The following TPRN variants were observed in gnomAD, a reference collection of about 807,000 sequenced individuals.
The protein encoded by TPRN is chromosome 9 open reading frame 75.
TPRN carries 32 observed loss-of-function variants against 42.6 expected under a neutral mutation model. The ratio of observed to expected loss-of-function variants is 0.75; its 90% confidence interval spans 0.57 to 1.01. The LOEUF is 1.01. Ranked by LOEUF, TPRN falls within the 50% of genes least tolerant of loss-of-function variation. The pLI, the probability that TPRN is intolerant of heterozygous loss-of-function variation, is 0.00. For synonymous variants in TPRN, 541 were observed against 445.6 expected, an observed-to-expected ratio of 1.21 and a Z score of -2.70; for missense variants, 1,095 against 957.5, an observed-to-expected ratio of 1.14 and a Z score of -1.90.
intron 1 of TPRN, 58 bp downstream of exon 1, chr9:137,198,929 A>T: frequency 6.2e-7 from 1 of 1,609,342 alleles, no homozygotes; most frequent in Admixed American, 1.7e-5. Flanking sequence ...CTGCCCCCAC[A>T]GTTCTGTGAG....
rs1377128868 is a variant in TPRN, at chr9:137,200,736, T to C, written c.-25A>G. 18 of 1,100,584 alleles carry C rather than the reference T, an allele frequency of 1.6e-5. No homozygotes were observed. The highest frequency in any genetic ancestry group is 1.9e-5 in the Non-Finnish European group (17 of 903,268). 68.2% of individuals were successfully genotyped at this position (1,100,584 alleles called of 1,614,324 possible). ...TGCTGCGAACGCGGCAGCGGACGGC[T>C]GGACTGAGGGCCGGAGTGGCAGCCG... On this transcript the variant is annotated 5_prime_UTR_variant, in exon 1 of 4. Coordinates refer to ENST00000409012, the MANE Select transcript of TPRN (RefSeq NM_001128228.3). This position sits in a 1 kb window ranked among gnomAD's most constrained non-coding sequence, Gnocchi z 4.3.
chr9:137,191,928 G>T lies in TPRN; in HGVS notation c.*184C>A. 1 of 735,528 alleles carries T rather than the reference G, an allele frequency of 1.4e-6. No individual in the cohort carries two copies. Among genetic ancestry groups the T allele is most frequent in the Non-Finnish European group, 2.3e-6 (1 of 432,192 alleles). The allele number at this position is 735,528 out of a possible 1,614,324, so 45.6% of individuals were successfully genotyped here. A position where few individuals can be genotyped will look rare whatever the true frequency, so the allele number is the denominator to read the frequency against. On this transcript the variant is annotated 3_prime_UTR_variant, in exon 4 of 4. Coordinates refer to ENST00000409012, the MANE Select transcript of TPRN (RefSeq NM_001128228.3). ...CCTTGGACCCTCCCAAATCAGGGCC[G>T]GGGAGTGAGACCCAGACCTGGCCCC...
At position 137,197,995 on chromosome 9, in the gene TPRN, G is replaced by A. The variant is rs1182634999; in HGVS notation, c.1725+992C>T. Among the ~76,000 whole-genome samples, 3 of 152,336 alleles carry A rather than the reference G, an allele frequency of 2.0e-5. No individual in the cohort carries two copies. The East Asian group carries it at 5.8e-4, about 29-fold the overall frequency. ...CCGGGCAGGAAGCAAACAGAGGGAGGCAGCAGCCTATCTGCTGAGGGAGCC... is the reference window on the plus strand; with the variant it reads ...CCGGGCAGGAAGCAAACAGAGGGAGACAGCAGCCTATCTGCTGAGGGAGCC... On this transcript the variant is annotated intron_variant, in intron 1 of 3. Coordinates refer to ENST00000409012, the MANE Select transcript of TPRN (RefSeq NM_001128228.3).
rs759671820 is a variant in TPRN at position 137,199,369 on chromosome 9, T to A, written c.1343A>T (p.Tyr448Phe). The change falls in exon 1 of 4, where the codon TAT becomes TTT. Residue 448 changes from tyrosine (Y) to phenylalanine (F), a missense_variant. Transcript: ENST00000409012. The part of the protein sequence containing the change: ...VPGLAKNSRE[Y>F]VRPGLPVTFI... ...GGTGACAGGCAGCCCCGGCCTCACA[T>A]ATTCCCGGCTATTCTTGGCCAAGCC... 6.2e-7 allele frequency: 1 copy of A among 1,612,662 alleles called. No individual in the cohort carries two copies. The highest frequency in any genetic ancestry group is 1.3e-5 in the African/African-American group (1 of 74,936).
rs927880162 is a variant in TPRN, at chr9:137,192,818, C to T, written c.1726-127G>A. ...GCGCCAGACACACCATCAACCGTTC[C>T]GGGGGCTCCAGGAGGGGGCACAGAG... On this transcript the variant is annotated intron_variant, in intron 1 of 3. Transcript: ENST00000409012. The T allele has an allele frequency of 1.9e-4, 195 of 1,028,594 alleles. 2 individuals carry two copies. The highest frequency in any genetic ancestry group is 1.3e-3 in the South Asian group (92 of 70,808). The allele number at this position is 1,028,594 out of a possible 1,614,324, so 63.7% of individuals were successfully genotyped here. A position where few individuals can be genotyped will look rare whatever the true frequency, so the allele number is the denominator to read the frequency against.
intron 1 of TPRN, among the ~76,000 whole-genome samples, chr9:137,195,674 G>A (rs1834694969): frequency 6.6e-6 from 1 of 152,202 alleles, no homozygotes; most frequent in African/African-American, 2.4e-5. Flanking sequence ...CTGAGCCCTG[G>A]GGACACTGAC....
intron 1 of TPRN, 132 bp downstream of exon 1, chr9:137,198,855 C>T (rs1024817328): frequency 1.1e-5 from 17 of 1,549,200 alleles, no homozygotes; most frequent in African/African-American, 1.1e-4. Context: ...AGCCCCAGCT[C>T]GCCTCAAGTC....
In TPRN at chr9:137,199,136, G is replaced by A. The variant is rs1834751989; in HGVS notation, c.1576C>T (p.Pro526Ser). Residue 526 changes from proline (P) to serine (S), a missense_variant, in exon 1 of 4, where the codon CCA becomes TCA. Pro to Ser is a moderately conservative substitution (Grantham distance 74). Coordinates refer to ENST00000409012, the MANE Select transcript of TPRN (RefSeq NM_001128228.3). ...HFSQANREPR[P>S]REAEEEEASC... ...GCCTCCTCCTCCTCGGCCTCCCGTG[G>A]CCGAGGCTCCCTGTTGGCCTGACTG... 6.2e-7 allele frequency: 1 copy of A among 1,613,282 alleles called. No homozygotes were observed. The highest frequency in any genetic ancestry group is 8.5e-7 in the Non-Finnish European group (1 of 1,180,014).
chr9:137,193,232 A>AC (rs919018479), intron 1 of TPRN: 4 of 159,856 alleles, frequency 2.5e-5, no homozygotes, highest in East Asian at 1.8e-4. Context: ...CAGAGCATGG[A>AC]CCCCCCACTG....
At position 137,199,605 on chromosome 9, in the gene TPRN, G is replaced by C. The variant is rs1434480027; in HGVS notation, c.1107C>G (p.Ser369=). ...CACCATCCCCTCCAGGCACCGGCTG[G>C]GATCCGAGCTCCTGGCTCGGGGAGG... ...GPASPSQELG[S]QPVPGGDGAP... Residue 369 remains serine (S), a synonymous_variant, in exon 1 of 4, where the codon TCC becomes TCG. Coordinates refer to ENST00000409012, the MANE Select transcript of TPRN (RefSeq NM_001128228.3). 2 of 1,557,338 alleles carry C rather than the reference G, an allele frequency of 1.3e-6. No homozygotes were observed. Among genetic ancestry groups the C allele is most frequent in the Admixed American group, 1.9e-5 (1 of 51,824 alleles).
rs1452561206 is a variant in TPRN at position 137,199,916 on chromosome 9, C to T, written c.796G>A (p.Gly266Arg). The T allele has an allele frequency of 4.8e-5, 10 of 207,746 alleles. No homozygotes were observed. The highest frequency in any genetic ancestry group is 6.6e-4 in the Middle Eastern group (1 of 1,518). The allele number at this position is 207,746 out of a possible 1,614,324, so 12.9% of individuals were successfully genotyped here. A position where few individuals can be genotyped will look rare whatever the true frequency, so the allele number is the denominator to read the frequency against. Residue 266 changes from glycine to arginine, a missense_variant, in exon 1 of 4, where the codon GGG (glycine) becomes AGG (arginine). Physicochemically the swap from Gly to Arg is moderately radical, Grantham distance 125. Transcript: ENST00000409012. ...DPSLHPPPSP[G>R]TPSATPASPP... Reference sequence around the variant, plus strand: ...GAGGCTGGAGTGGCACTCGGGGTCCCGGGGCTGGGGGGCGGGTGGAGGGAG... The same window carrying T: ...GAGGCTGGAGTGGCACTCGGGGTCCTGGGGCTGGGGGGCGGGTGGAGGGAG...
intron 1 of TPRN, 84 bp from the exon 2 acceptor site, chr9:137,192,775 G>T: frequency 1.4e-6 from 2 of 1,480,140 alleles, no homozygotes. Context: ...CCCTCAGGAT[G>T]AGGCTGACCC....
intron 1 of TPRN, among the ~76,000 whole-genome samples, chr9:137,197,756 G>C (rs1318978841): frequency 1.3e-5 from 2 of 152,182 alleles, no homozygotes; most frequent in Non-Finnish European, 2.9e-5. Context: ...ACCTTGATGG[G>C]CTGGGGTGAT....
rs755309442 is a variant in TPRN, at chr9:137,192,137, CG to C, written c.2110del (p.Arg704AlafsTer56). 2 of 1,613,582 alleles carry C rather than the reference CG, an allele frequency of 1.2e-6. No individual in the cohort carries two copies. Among genetic ancestry groups the C allele is most frequent in the Admixed American group, 3.3e-5 (2 of 60,026 alleles). On this transcript the variant is annotated frameshift_variant, in exon 4 of 4. Transcript: ENST00000409012. LOFTEE classifies it high-confidence loss of function. ...PASQNDLSDF[R>X]SEPALYF ...TCAGAAATACAGGGCTGGCTCGCTG[CG>C]GAAGTCCGAGAGGTCATTCTGACTG... is the stretch of plus-strand genomic sequence containing the variant.
rs147523706 is a variant in TPRN at position 137,199,133 on chromosome 9, G to A, written c.1579C>T (p.Arg527Trp). 2.8e-4 allele frequency: 448 copies of A among 1,613,084 alleles called. No individual in the cohort carries two copies. The highest frequency in any genetic ancestry group is 4.3e-4 in the Admixed American group (26 of 60,010). The change falls in exon 1 of 4, where the codon CGG becomes TGG. Residue 527 changes from arginine (R) to tryptophan (W), a missense_variant. Coordinates refer to ENST00000409012, the MANE Select transcript of TPRN (RefSeq NM_001128228.3). ...CTAGCCTCCTCCTCCTCGGCCTCCC[G>A]TGGCCGAGGCTCCCTGTTGGCCTGA... ...FSQANREPRP[R>W]EAEEEEASCL...
intron 1 of TPRN, 60 bp downstream of exon 1, chr9:137,198,925 CCA>C: frequency 6.2e-7 from 1 of 1,608,754 alleles, no homozygotes; most frequent in South Asian, 1.1e-5. Flanking sequence ...GGTGCTGCCC[CCA>C]CAGTTCTGTG....
rs1435065804 is a variant in TPRN at position 137,192,577 on chromosome 9, C to CTT, written c.1839_1840insAA (p.Glu614LysfsTer28). 5.6e-6 allele frequency: 9 copies of CTT among 1,606,718 alleles called. No homozygotes were observed. The highest frequency in any genetic ancestry group is 6.8e-6 in the Non-Finnish European group (8 of 1,176,984). On this transcript the variant is annotated frameshift_variant, in exon 2 of 4. Transcript: ENST00000409012. LOFTEE classifies it high-confidence loss of function. ...CCCTCTTCCTCCTCTTCCTCTTCCT[C>CTT]CTCCTCCTCCTCCTCCTCCTCCTGC...
chr9:137,193,388 C>A (rs28627431), intron 1 of TPRN: 1 of 152,780 alleles, frequency 6.5e-6, no homozygotes, highest in African/African-American at 2.4e-5. Flanking sequence ...CCAGCAGTGA[C>A]CCCTTCCTCA....
In TPRN at chr9:137,192,587, C is replaced by T. The variant is rs535879219; in HGVS notation, c.1830G>A (p.Glu610=). The T allele has an allele frequency of 4.3e-6, 7 of 1,612,982 alleles. No individual in the cohort carries two copies. Among genetic ancestry groups the T allele is most frequent in the East Asian group, 2.2e-5 (1 of 44,820 alleles). Residue 610 remains glutamate, a synonymous_variant, in exon 2 of 4, where the codon GAG becomes GAA. Coordinates refer to ENST00000409012, the MANE Select transcript of TPRN (RefSeq NM_001128228.3). ...CCTCTTCCTCTTCCTCCTCCTCCTC[C>T]TCCTCCTCCTCCTGCTGGTCCACCT... is the stretch of plus-strand genomic sequence containing the variant. The part of the protein sequence containing the change: ...EEEVDQQEEE[E]EEEEEEEEEE...
Sources: gnomAD v4.1 joint callset for allele counts (sites outside exome capture counted in the v4.1 genomes callset) on GRCh38, gnomAD v4.1.1 for gene constraint, Gnocchi (gnomAD v3.1) non-coding constraint, MANE v1.5 for transcripts, NCBI Gene and HGNC (gene_info 2026-07-23, HGNC 2026-07-21) for gene names.